Variants in FMNL2 observed in about 807,000 individuals in gnomAD.
FMNL2 encodes the protein formin-like protein 2.
FMNL2 carries 51 observed loss-of-function variants against 130.2 expected under a neutral mutation model. The observed-to-expected ratio is 0.39, with a 90% CI of 0.31 to 0.49. The LOEUF (loss-of-function observed/expected upper bound fraction) is 0.49, where lower values mean the gene tolerates loss of function less well. Among genes scored for constraint, FMNL2 ranks in the 20% least tolerant of loss-of-function variants. The pLI is 0.85. For synonymous variants in FMNL2, 465 were observed against 467.1 expected (o/e 1.00, Z 0.06); for missense variants, 977 against 1,316.2 (o/e 0.74, Z 3.99).
At chr2:152,586,252 CCAGCACTCTTGTGCA>C (rs1697069579) in intron 9 of FMNL2, among the ~76,000 whole-genome samples, 1 of 152,196 alleles carries the variant, frequency 6.6e-6, no homozygotes, top group African/African-American at 2.4e-5. Flanking sequence ...CTCGAGGCCA[CCAGCACTCTTGTGCA>C]CAGCACTCTT....
Position 152,335,524 on chromosome 2 carries a change from C to G in FMNL2, c.-80C>G. Reference sequence around the variant, plus strand: ...GGCAGGTCGCGCCTGCGGGCGGCAGCCGACCGCCGGGAGCTGTTCTGATTT... The same window carrying G: ...GGCAGGTCGCGCCTGCGGGCGGCAGGCGACCGCCGGGAGCTGTTCTGATTT... On this transcript the variant is annotated 5_prime_UTR_variant, in exon 1 of 26. Transcript: ENST00000288670. The G allele has an allele frequency of 8.4e-7, 1 of 1,188,672 alleles. No homozygotes were observed. Among genetic ancestry groups the G allele is most frequent in the East Asian group, 3.3e-5 (1 of 30,640 alleles). 73.6% of individuals were successfully genotyped at this position (1,188,672 alleles called of 1,614,324 possible).
chr2:152,373,579 G>C (rs554115980), intron 1 of FMNL2, among the ~76,000 whole-genome samples: 2 of 152,088 alleles, frequency 1.3e-5, no homozygotes, highest in Admixed American at 1.3e-4. Flanking sequence ...ATGCACATCC[G>C]CCCTTATACT....
intron 1 of FMNL2, among the ~76,000 whole-genome samples, chr2:152,475,564 G>A (rs1040715433): frequency 4.6e-5 from 7 of 150,662 alleles, no homozygotes; most frequent in South Asian, 2.1e-4. Context: ...GTGTGATCTC[G>A]GCTCACTGCA....
chr2:152,465,400 G>A lies in FMNL2; in HGVS notation c.118-56543G>A, dbSNP rs1264075259. Among the ~76,000 whole-genome samples the A allele has an allele frequency of 3.3e-5, 5 of 152,226 alleles. No individual in the cohort carries two copies. In the East Asian group the frequency reaches 9.6e-4, roughly 29 times the overall value. On this transcript the variant is annotated intron_variant, in intron 1 of 25. Coordinates refer to ENST00000288670, the MANE Select transcript of FMNL2 (RefSeq NM_052905.4). Reference sequence around the variant, plus strand: ...GCCAGATTTGGAAATACTTGGCTGGGATGTTCCTGGTCAGTGGGCTATTTG... The same window carrying A: ...GCCAGATTTGGAAATACTTGGCTGGAATGTTCCTGGTCAGTGGGCTATTTG...
intron 10 of FMNL2, among the ~76,000 whole-genome samples, chr2:152,609,999 A>G (rs556537548): frequency 6.6e-6 from 1 of 152,314 alleles, no homozygotes; most frequent in East Asian, 1.9e-4. Context: ...CAAACCAGGG[A>G]CAGGTTTTCT....
At chr2:152,428,261 A>G (rs778678101) in intron 1 of FMNL2, among the ~76,000 whole-genome samples, 10 of 152,250 alleles carry the variant, frequency 6.6e-5, no homozygotes, top group Non-Finnish European at 1.5e-4. Context: ...AAAGCAAATC[A>G]GAACCGTGCT....
intron 25 of FMNL2, among the ~76,000 whole-genome samples, chr2:152,646,770 T>A (rs1297792457): frequency 6.6e-6 from 1 of 152,194 alleles, no homozygotes; most frequent in African/African-American, 2.4e-5. Flanking sequence ...ACTAAGTTAA[T>A]GAAAGGGAAG....
chr2:152,584,284 A>G (rs1696945547), intron 9 of FMNL2, among the ~76,000 whole-genome samples: 1 of 152,194 alleles, frequency 6.6e-6, no homozygotes, highest in South Asian at 2.1e-4. Context: ...TTTGAGCCAC[A>G]TATGGCAGAG....
chr2:152,539,728 GTATT>G (rs1442956099), intron 2 of FMNL2, among the ~76,000 whole-genome samples: 1 of 152,184 alleles, frequency 6.6e-6, no homozygotes, highest in Non-Finnish European at 1.5e-5. Flanking sequence ...GCAAATGTAT[GTATT>G]TGAGTAAGCC....
At chr2:152,346,548 A>T (rs1002329756) in intron 1 of FMNL2, among the ~76,000 whole-genome samples, 3 of 151,742 alleles carry the variant, frequency 2.0e-5, no homozygotes, top group Admixed American at 1.3e-4. Flanking sequence ...AGTCCTAGCT[A>T]CTTGGGAGGC....
At chr2:152,439,929 A>G (rs1040549713) in intron 1 of FMNL2, among the ~76,000 whole-genome samples, 6 of 151,556 alleles carry the variant, frequency 4.0e-5, no homozygotes, top group African/African-American at 1.5e-4. Flanking sequence ...TCACATTTGT[A>G]GATTCTGGAC....
intron 9 of FMNL2, among the ~76,000 whole-genome samples, chr2:152,587,574 C>G (rs1033193676): frequency 6.6e-6 from 1 of 152,176 alleles, no homozygotes; most frequent in Non-Finnish European, 1.5e-5. Context: ...TCATGTGAAT[C>G]TACTATGGGC....
intron 16 of FMNL2, among the ~76,000 whole-genome samples, chr2:152,626,052 T>A (rs965892312): frequency 1.3e-5 from 2 of 151,880 alleles, no homozygotes; most frequent in African/African-American, 2.4e-5. Context: ...TATTATTATT[T>A]TTTGAGACGG....
chr2:152,640,301 A>T (rs567819421), intron 24 of FMNL2, among the ~76,000 whole-genome samples: 1 of 152,342 alleles, frequency 6.6e-6, no homozygotes, highest in Admixed American at 6.5e-5. Context: ...ACTTAGTTGG[A>T]TATACAGAGA....
Position 152,573,530 on chromosome 2 carries a change from C to A in FMNL2, c.597-1606C>A, listed in dbSNP as rs558134184. Among the ~76,000 whole-genome samples the A allele has an allele frequency of 2.0e-5, 3 of 152,304 alleles. No homozygotes were observed. In the South Asian group the frequency reaches 6.2e-4, roughly 32 times the overall value. On this transcript the variant is annotated intron_variant, in intron 6 of 25. Transcript: ENST00000288670. ...GCTATGTAGATGTAATGTCTCTGGG[C>A]TTCCGTTTTCTTAACTGTATCAAGA... is the stretch of plus-strand genomic sequence containing the variant.
At chr2:152,502,683 A>G (rs1438120649) in intron 1 of FMNL2, among the ~76,000 whole-genome samples, 1 of 152,114 alleles carries the variant, frequency 6.6e-6, no homozygotes, top group African/African-American at 2.4e-5. Flanking sequence ...CAAGACTCCG[A>G]CTCAAAAAAA....
chr2:152,534,832 C>T (rs767646215), intron 2 of FMNL2, among the ~76,000 whole-genome samples: 6 of 152,138 alleles, frequency 3.9e-5, no homozygotes, highest in Non-Finnish European at 8.8e-5. Flanking sequence ...TAAAAGAAAG[C>T]ATTTGGAAAA....
chr2:152,642,288 A>C (rs1471939520), intron 25 of FMNL2, among the ~76,000 whole-genome samples: 1 of 152,208 alleles, frequency 6.6e-6, no homozygotes, highest in Non-Finnish European at 1.5e-5. Flanking sequence ...TTGGGATCCT[A>C]AATGGTCAAA....
intron 25 of FMNL2, among the ~76,000 whole-genome samples, chr2:152,644,804 T>C (rs1055973146): frequency 1.3e-5 from 2 of 152,158 alleles, no homozygotes; most frequent in African/African-American, 4.8e-5. Flanking sequence ...GCAAATATCA[T>C]TGGAAAATGC....
Sources: allele counts gnomAD v4.1 joint callset (sites outside exome capture counted in the v4.1 genomes callset), GRCh38; gene constraint gnomAD v4.1.1; transcripts MANE v1.5; gene names NCBI Gene and HGNC (gene_info 2026-07-23, HGNC 2026-07-21).